The following ZMIZ1 variants were observed in gnomAD, a reference collection of about 807,000 sequenced individuals.
The protein encoded by ZMIZ1 is zinc finger MIZ domain-containing protein 1.
A neutral mutation model predicts 113.9 loss-of-function variants in ZMIZ1; 17 were observed. The ratio of observed to expected loss-of-function variants is 0.15; its 90% CI spans 0.10 to 0.22. The LOEUF is 0.22. ZMIZ1 is among the 10% of genes least tolerant of loss of function. The pLI, the probability that ZMIZ1 is intolerant of heterozygous loss-of-function variation, is 1.00. For synonymous variants in ZMIZ1, 607 were observed against 603.1 expected, an observed-to-expected ratio of 1.01 and a Z score of -0.09; for missense variants, 1,059 against 1,477.8, an observed-to-expected ratio of 0.72 and a Z score of 4.65.
chr10:79,307,684 T>G (rs1854819733), intron 23 of ZMIZ1, 113 bp downstream of exon 23: 1 of 1,265,872 alleles, frequency 7.9e-7, no homozygotes, highest in African/African-American at 1.5e-5. Context: ...ATTGGGTGTG[T>G]GGGCTCAGAA....
chr10:79,207,352 T>G (rs1848356367), intron 5 of ZMIZ1, among the ~76,000 whole-genome samples: 1 of 152,224 alleles, frequency 6.6e-6, no homozygotes, highest in East Asian at 1.9e-4. Context: ...ACAGCCAAAT[T>G]GGGCCAGAGC....
chr10:79,136,083 T>C (rs1026167874), intron 2 of ZMIZ1, among the ~76,000 whole-genome samples: 1 of 152,166 alleles, frequency 6.6e-6, no homozygotes, highest in African/African-American at 2.4e-5. Context: ...GGCCTGGCCT[T>C]GGCCACCCCA....
Position 79,313,576 on chromosome 10 carries a change from GATT to G in ZMIZ1, c.*828_*830del. 4.8e-6 allele frequency: 1 copy of G among 207,714 alleles called. No individual in the cohort carries two copies. The highest frequency in any genetic ancestry group is 9.8e-6 in the Non-Finnish European group (1 of 102,502). 12.9% of individuals were successfully genotyped at this position (207,714 alleles called of 1,614,324 possible). A position where few individuals can be genotyped will look rare whatever the true frequency, so the allele number is the denominator to read the frequency against. On this transcript the variant is annotated 3_prime_UTR_variant, in exon 25 of 25. Transcript: ENST00000334512. ...GAGCAGGTGTACACCCAACCAAAGT[GATT>G]GTGCCCTTGGTTGGGGGGCGCGGGC...
chr10:79,261,302 G>A (rs577418753), intron 7 of ZMIZ1, among the ~76,000 whole-genome samples: 9 of 152,358 alleles, frequency 5.9e-5, no homozygotes, highest in African/African-American at 2.2e-4. Flanking sequence ...CCTACCCGGT[G>A]TTCCCTTCCC....
At chr10:79,281,908 C>T (rs575524207) in intron 8 of ZMIZ1, among the ~76,000 whole-genome samples, 10 of 152,204 alleles carry the variant, frequency 6.6e-5, no homozygotes, top group African/African-American at 1.9e-4. Flanking sequence ...TCAGGGTCAA[C>T]GAGGTGGTAT....
intron 3 of ZMIZ1, among the ~76,000 whole-genome samples, chr10:79,147,260 G>A (rs1250721222): frequency 6.6e-6 from 1 of 152,154 alleles, no homozygotes; most frequent in East Asian, 1.9e-4. Flanking sequence ...TGACCTCCCT[G>A]CCCCAACCCA....
intron 2 of ZMIZ1, among the ~76,000 whole-genome samples, chr10:79,123,896 G>C (rs1844406622): frequency 6.6e-6 from 1 of 152,226 alleles, no homozygotes; most frequent in African/African-American, 2.4e-5. Flanking sequence ...TGGGATTCCA[G>C]GGTCCGCATA....
chr10:79,167,118 T>C (rs1054450022), intron 4 of ZMIZ1, among the ~76,000 whole-genome samples: 2 of 152,196 alleles, frequency 1.3e-5, no homozygotes, highest in African/African-American at 4.8e-5. Flanking sequence ...AGGCCACACC[T>C]GTGCCTCCTG....
chr10:79,254,604 C>A (rs1005232038), intron 7 of ZMIZ1, among the ~76,000 whole-genome samples: 45 of 152,358 alleles, frequency 3.0e-4, no homozygotes, highest in African/African-American at 9.6e-4. Flanking sequence ...AGAGCCAGGG[C>A]CACCCCTCAG....
chr10:79,114,477 CTGTGTGTG>C (rs1215426437), intron 1 of ZMIZ1, among the ~76,000 whole-genome samples: 8 of 64,922 alleles, frequency 1.2e-4, no homozygotes, highest in African/African-American at 4.2e-4. Flanking sequence ...GTGTGTGTGT[CTGTGTGTG>C]TGTGTGTGCG....
chr10:79,218,922 C>T (rs995159389), intron 7 of ZMIZ1, among the ~76,000 whole-genome samples: 2 of 151,730 alleles, frequency 1.3e-5, no homozygotes, highest in East Asian at 1.9e-4. Flanking sequence ...TCAGCAGCAG[C>T]GGAAACATTC....
chr10:79,230,953 T>G (rs1354144071), intron 7 of ZMIZ1, among the ~76,000 whole-genome samples: 1 of 152,138 alleles, frequency 6.6e-6, no homozygotes, highest in Non-Finnish European at 1.5e-5. Flanking sequence ...AGGCCCAGGG[T>G]GTGGACCCCT....
At chr10:79,299,884 G>T (rs371431263) in intron 16 of ZMIZ1, among the ~76,000 whole-genome samples, 9 of 152,184 alleles carry the variant, frequency 5.9e-5, no homozygotes, top group African/African-American at 1.9e-4. Context: ...AACCCTGGGG[G>T]TGTCCACCCT....
chr10:79,216,131 T>A, intron 6 of ZMIZ1, 38 bp from the exon 7 acceptor site: 1 of 1,429,228 alleles, frequency 7.0e-7, no homozygotes, highest in Non-Finnish European at 9.3e-7. Context: ...GGCTCTGGGC[T>A]CCGTGACTCA....
In ZMIZ1 at chr10:79,069,509, G is replaced by A. The variant is rs1174690089; in HGVS notation, c.-337+239G>A. Among the ~76,000 whole-genome samples the A allele has an allele frequency of 1.3e-5, 2 of 151,718 alleles. No individual in the cohort carries two copies. Among genetic ancestry groups the A allele is most frequent in the Non-Finnish European group, 2.9e-5 (2 of 67,886 alleles). On this transcript the variant is annotated intron_variant, in intron 1 of 24. Transcript: ENST00000334512. The surrounding 1 kb of genome is among the most constrained non-coding windows in gnomAD (Gnocchi z 4.6). Reference sequence around the variant, plus strand: ...CGGAGCCGGCTTGGGCTGCGCGTGGGGGCCGGGTTTGTCAGGGTGTGCGGG... The same window carrying A: ...CGGAGCCGGCTTGGGCTGCGCGTGGAGGCCGGGTTTGTCAGGGTGTGCGGG...
chr10:79,303,723 A>G (rs968956622), intron 18 of ZMIZ1, among the ~76,000 whole-genome samples: 7 of 152,210 alleles, frequency 4.6e-5, no homozygotes, highest in African/African-American at 1.7e-4. Context: ...CTTTGCAGAC[A>G]TGCCCCTTCC....
rs1851857759 is a variant in ZMIZ1, at chr10:79,270,074, G to A, written c.281-7107G>A. Among the ~76,000 whole-genome samples the A allele has an allele frequency of 2.6e-5, 4 of 152,346 alleles. No individual in the cohort carries two copies. In the South Asian group the frequency reaches 8.3e-4, roughly 32 times the overall value. On this transcript the variant is annotated intron_variant, in intron 7 of 24. Coordinates refer to ENST00000334512, the MANE Select transcript of ZMIZ1 (RefSeq NM_020338.4). ...GGCGTCTGTGCTGCTAGGAGCTACA[G>A]GTACAGGGGCAAATACAGGGCCTGT...
At chr10:79,265,181 C>T (rs189539262) in intron 7 of ZMIZ1, among the ~76,000 whole-genome samples, 1 of 152,126 alleles carries the variant, frequency 6.6e-6, no homozygotes, top group Non-Finnish European at 1.5e-5. Context: ...GGCGGGCGTG[C>T]GAGGAGTGTT....
At chr10:79,237,973 C>T (rs1057348986) in intron 7 of ZMIZ1, among the ~76,000 whole-genome samples, 7 of 152,334 alleles carry the variant, frequency 4.6e-5, no homozygotes, top group East Asian at 1.9e-4. Flanking sequence ...CCCTCTGCAG[C>T]GCCTCAGTTA....
Sources: allele counts gnomAD v4.1 joint callset (sites outside exome capture counted in the v4.1 genomes callset), GRCh38; gene constraint gnomAD v4.1.1; non-coding constraint Gnocchi (gnomAD v3.1); transcripts MANE v1.5; gene names NCBI Gene and HGNC (gene_info 2026-07-23, HGNC 2026-07-21).